GBF1: variants seen among roughly 807,000 people sequenced by gnomAD.
The protein encoded by GBF1 is golgi brefeldin A resistant guanine nucleotide exchange factor 1.
Under a neutral mutation model 210.5 loss-of-function variants are expected in GBF1, and 114 were observed. The observed-to-expected ratio is 0.54, with a 90% CI of 0.47 to 0.63. GBF1 has a LOEUF of 0.63. GBF1 is among the 30% of genes least tolerant of loss of function. The pLI is 0.00. For missense variants in GBF1, 1,851 were observed against 2,357.7 expected, an observed-to-expected ratio of 0.79 and a Z score of 4.45; for synonymous variants, 850 against 889.2, an observed-to-expected ratio of 0.96 and a Z score of 0.78.
At chr10:102,311,514 G>A (rs973618822) in intron 3 of GBF1, among the ~76,000 whole-genome samples, 5 of 152,194 alleles carry the variant, frequency 3.3e-5, no homozygotes, top group South Asian at 2.1e-4. Context: ...ATGATCTTAC[G>A]CTATTGCTTC....
chr10:102,344,770 G>A (rs2058425983), intron 4 of GBF1, among the ~76,000 whole-genome samples: 1 of 152,142 alleles, frequency 6.6e-6, no homozygotes, highest in Non-Finnish European at 1.5e-5. Context: ...GTGAGCCACT[G>A]TGCCTGGCCT....
chr10:102,345,190 G>GT (rs1452239415), intron 4 of GBF1, among the ~76,000 whole-genome samples: 1 of 151,446 alleles, frequency 6.6e-6, no homozygotes, highest in Non-Finnish European at 1.5e-5. Flanking sequence ...GCTGAGGCAG[G>GT]TGAATCGCTT....
At chr10:102,259,913 C>A in intron 2 of GBF1, 137 bp from the exon 3 acceptor site, 1 of 588,070 alleles carries the variant, frequency 1.7e-6, no homozygotes. Flanking sequence ...TGAACTATGG[C>A]TAATTTTCTT....
chr10:102,341,604 C>T (rs2058186069), intron 3 of GBF1, among the ~76,000 whole-genome samples: 1 of 151,962 alleles, frequency 6.6e-6, no homozygotes, highest in African/African-American at 2.4e-5. Flanking sequence ...TACTACTCAG[C>T]AGTAAAAAGA....
chr10:102,274,980 G>T (rs1441632431), intron 3 of GBF1, among the ~76,000 whole-genome samples: 1 of 150,478 alleles, frequency 6.6e-6, no homozygotes, highest in Non-Finnish European at 1.5e-5. Context: ...CCAAAGTGCT[G>T]GGATTACAGG....
intron 3 of GBF1, among the ~76,000 whole-genome samples, chr10:102,316,445 T>C (rs1469527469): frequency 6.6e-6 from 1 of 152,182 alleles, no homozygotes; most frequent in Admixed American, 6.5e-5. Context: ...AGTAAGGACA[T>C]GGATTGCTTA....
chr10:102,263,744 AT>A (rs775115656), intron 3 of GBF1, among the ~76,000 whole-genome samples: 21 of 152,342 alleles, frequency 1.4e-4, no homozygotes, highest in Middle Eastern at 3.4e-3. Flanking sequence ...CCTAAACTGT[AT>A]GATGACTACA....
the GBF1 span, among the ~76,000 whole-genome samples, chr10:102,235,186 C>CCCCA: frequency 6.9e-6 from 1 of 144,630 alleles, no homozygotes; most frequent in Admixed American, 7.0e-5. Context: ...CCCACCCCCC[C>CCCCA]ACCGCCTCCC....
chr10:102,294,822 C>T (rs1361835652), intron 3 of GBF1, among the ~76,000 whole-genome samples: 2 of 152,200 alleles, frequency 1.3e-5, no homozygotes, highest in Non-Finnish European at 2.9e-5. Context: ...AAGCAATAGG[C>T]TGTACCATAT....
rs753635993 is a variant in GBF1 at position 102,361,923 on chromosome 10, C to A, written c.1686+11C>A. 9 of 1,532,954 alleles carry A rather than the reference C, an allele frequency of 5.9e-6. 1 individual carries two copies. In the South Asian group the frequency reaches 1.1e-4, roughly 19 times the overall value. 95.0% of individuals were successfully genotyped at this position (1,532,954 alleles called of 1,614,324 possible). A position where few individuals can be genotyped will look rare whatever the true frequency, so the allele number is the denominator to read the frequency against. On this transcript the variant is annotated intron_variant, in intron 14 of 39. Transcript: ENST00000369983. ...AAGCTGCTGTCCAAGGTGCTGAGCA[C>A]TATAACTGGCTTCTAGGAAAAAACG...
intron 3 of GBF1, among the ~76,000 whole-genome samples, chr10:102,335,073 G>T (rs943050958): frequency 6.6e-6 from 1 of 151,994 alleles, no homozygotes; most frequent in African/African-American, 2.4e-5. Context: ...GCTTCACTTT[G>T]CTTTGGGTTG....
rs761259370 is a variant in GBF1, at chr10:102,368,262, G to A, written c.2687G>A (p.Arg896Gln). 2.5e-6 allele frequency: 4 copies of A among 1,614,060 alleles called. No homozygotes were observed. The highest frequency in any genetic ancestry group is 3.4e-6 in the Non-Finnish European group (4 of 1,179,948). The change falls in exon 22 of 40, where the codon CGG becomes CAG. Residue 896 changes from arginine (R) to glutamine (Q), a missense_variant. Arg to Gln is a conservative substitution (Grantham distance 43). Coordinates refer to ENST00000369983, the MANE Select transcript of GBF1 (RefSeq NM_001377137.1). ...VMPEEQTGLV[R>Q]ENYVWNVLLH... ...CCTGAGGAGCAGACAGGCTTGGTTC[G>A]GGAGAACTATGTGTGGAATGTGCTG...
intron 3 of GBF1, among the ~76,000 whole-genome samples, chr10:102,330,121 G>A (rs975539176): frequency 6.6e-6 from 1 of 151,884 alleles, no homozygotes; most frequent in African/African-American, 2.4e-5. Context: ...GAGCAACAGA[G>A]CAAGACTCTG....
At chr10:102,361,643 T>A in intron 13 of GBF1, 75 bp from the exon 14 acceptor site, 1 of 1,016,824 alleles carries the variant, frequency 9.8e-7, no homozygotes, top group Non-Finnish European at 1.4e-6. Context: ...GTTTAATGTT[T>A]TTCCTGTCTA....
In GBF1 at chr10:102,376,668, G is replaced by A. The variant is rs200567387; in HGVS notation, c.4156G>A (p.Asp1386Asn). The A allele has an allele frequency of 5.0e-5, 81 of 1,613,898 alleles. No homozygotes were observed. In the East Asian group the frequency reaches 5.8e-4, roughly 12 times the overall value. ...AGTGGGACTGGATTTGGGGCCACAC[G>A]ACACTAAGTCTCTGCTTAAGTGTGT... is the stretch of plus-strand genomic sequence containing the variant. ...LTVGLDLGPH[D>N]TKSLLKCVES... The change falls in exon 32 of 40, where the codon GAC (aspartate) becomes AAC (asparagine). Residue 1386 changes from aspartate (D) to asparagine (N), a missense_variant. By Grantham distance (23) the Asp-to-Asn change is conservative. Coordinates refer to ENST00000369983, the MANE Select transcript of GBF1 (RefSeq NM_001377137.1).
chr10:102,348,191 C>T (rs767846042), intron 4 of GBF1, among the ~76,000 whole-genome samples: 6 of 152,212 alleles, frequency 3.9e-5, no homozygotes, highest in Non-Finnish European at 5.9e-5. Context: ...CCCACCTCAG[C>T]CTCCCAAAAT....
Position 102,323,947 on chromosome 10 carries a change from C to T in GBF1, c.164-20104C>T, listed in dbSNP as rs547150856. On this transcript the variant is annotated intron_variant, in intron 3 of 39. Transcript: ENST00000369983. ...CTTCTGAACCCTGCCTGCCTACTTT[C>T]TAGGAAGGCTAGCCTTCCCCTCTTT... Among the ~76,000 whole-genome samples the T allele has an allele frequency of 1.1e-4, 16 of 152,108 alleles. No homozygotes were observed. In the East Asian group the frequency reaches 2.7e-3, roughly 26 times the overall value.
chr10:102,361,211 G>T, intron 13 of GBF1, 91 bp downstream of exon 13: 1 of 783,862 alleles, frequency 1.3e-6, no homozygotes, highest in Non-Finnish European at 2.3e-6. Flanking sequence ...TGCTACAGGG[G>T]TAGGATTTAG....
In GBF1 at chr10:102,376,574, C is replaced by T. The variant is rs147908254; in HGVS notation, c.4062C>T (p.Asp1354=). The change falls in exon 32 of 40, where the codon GAC becomes GAT. Residue 1354 remains aspartate, a synonymous_variant. Transcript: ENST00000369983. ...NSGWLVVGKD[D]VDNSKPGPSR... ...GTACTTTACAGGTTGGGAAGGATGA[C>T]GTTGATAACTCCAAGCCAGGGCCCA... The T allele has an allele frequency of 3.7e-5, 60 of 1,613,898 alleles. No individual in the cohort carries two copies. Among genetic ancestry groups the T allele is most frequent in the Middle Eastern group, 1.6e-4 (1 of 6,084 alleles).
Sources: gnomAD v4.1 joint callset for allele counts (sites outside exome capture counted in the v4.1 genomes callset) on GRCh38, gnomAD v4.1.1 for gene constraint, MANE v1.5 for transcripts, NCBI Gene and HGNC (gene_info 2026-07-23, HGNC 2026-07-21) for gene names.